CLDN23: variants seen among roughly 807,000 people sequenced by gnomAD.
CLDN23 encodes the protein claudin 23, also known as claudin-23.
In CLDN23, 3 loss-of-function variants were observed where a neutral mutation model predicts 1.4. The ratio of observed to expected loss-of-function variants is 2.10; its 90% CI spans 0.96 to 5.43. CLDN23 has a LOEUF of 5.43. Among genes scored for constraint, CLDN23 ranks in the 30% most tolerant of loss-of-function variants. The probability of loss-of-function intolerance (pLI) is 0.02; values close to 1 mark genes in which losing one functional copy is unlikely to be tolerated. For missense variants in CLDN23, 597 were observed against 433.5 expected, an observed-to-expected ratio of 1.38 and a Z score of -3.35; for synonymous variants, 291 against 209.9, an observed-to-expected ratio of 1.39 and a Z score of -3.34.
Position 8,702,632 on chromosome 8 carries a change from G to T in CLDN23, c.234G>T (p.Leu78=). ...QWGYFEAQPV[L]VARALMVTSL... Reference sequence around the variant, plus strand: ...GCTACTTCGAGGCCCAGCCCGTGCTGGTGGCGCGGGCACTCATGGTCACCT... The same window carrying T: ...GCTACTTCGAGGCCCAGCCCGTGCTTGTGGCGCGGGCACTCATGGTCACCT... The change falls in exon 1 of 1, where the codon CTG becomes CTT. Residue 78 remains leucine (L), a synonymous_variant. Coordinates refer to ENST00000519106, the MANE Select transcript of CLDN23 (RefSeq NM_194284.3). 1 of 1,603,822 alleles carries T rather than the reference G, an allele frequency of 6.2e-7. No individual in the cohort carries two copies. The highest frequency in any genetic ancestry group is 2.2e-5 in the East Asian group (1 of 44,638).
rs1802831023 is a variant in CLDN23 at position 8,703,848 on chromosome 8, T to TGGGG, written c.*571_*572insGGGG. The TGGGG allele has an allele frequency of 6.0e-6, 1 of 166,504 alleles. No homozygotes were observed. Among genetic ancestry groups the TGGGG allele is most frequent in the Non-Finnish European group, 1.5e-5 (1 of 68,040 alleles). The allele number at this position is 166,504 out of a possible 1,614,324, so 10.3% of individuals were successfully genotyped here. ...GTGATTAACTCATAGCTACATATCA[T>TGGGG]TGCATAAATGGGATTTATCTTTTTT... On this transcript the variant is annotated 3_prime_UTR_variant, in exon 1 of 1. Coordinates refer to ENST00000519106, the MANE Select transcript of CLDN23 (RefSeq NM_194284.3).
rs1802812072 is a variant in CLDN23 at position 8,703,324 on chromosome 8, C to T, written c.*47C>T. ...CGCCGGGTGGCAAAGGACTCACCCC[C>T]GCACAGGCCCGCCTGGCTTCGAGTT... On this transcript the variant is annotated 3_prime_UTR_variant, in exon 1 of 1. Coordinates refer to ENST00000519106, the MANE Select transcript of CLDN23 (RefSeq NM_194284.3). 1.9e-5 allele frequency: 25 copies of T among 1,325,314 alleles called. No individual in the cohort carries two copies. Among genetic ancestry groups the T allele is most frequent in the Admixed American group, 3.8e-5 (1 of 26,244 alleles). 82.1% of individuals were successfully genotyped at this position (1,325,314 alleles called of 1,614,324 possible).
chr8:8,702,835 C>T lies in CLDN23; in HGVS notation c.437C>T (p.Pro146Leu). 1 of 1,607,700 alleles carries T rather than the reference C, an allele frequency of 6.2e-7. No homozygotes were observed. The change falls in exon 1 of 1, where the codon CCC becomes CTC. Residue 146 changes from proline (P) to leucine (L), a missense_variant. By Grantham distance (98) the Pro-to-Leu change is moderately conservative (BLOSUM62 -3). Coordinates refer to ENST00000519106, the MANE Select transcript of CLDN23 (RefSeq NM_194284.3). Reference sequence around the variant, plus strand: ...TTCTTGGGGGACCGCGACGTGCTGCCCGCCCCGGCCAGCCCGGTCACGGTG... The same window carrying T: ...TTCTTGGGGGACCGCGACGTGCTGCTCGCCCCGGCCAGCCCGGTCACGGTG... ...NHFLGDRDVLPAPASPVTVQV... is the reference protein window; with the variant it reads ...NHFLGDRDVLLAPASPVTVQV...
In CLDN23 at chr8:8,702,688, T is replaced by C; in HGVS notation, c.290T>C (p.Leu97Pro). 6.2e-7 allele frequency: 1 copy of C among 1,606,410 alleles called. No individual in the cohort carries two copies. Among genetic ancestry groups the C allele is most frequent in the Admixed American group, 1.7e-5 (1 of 59,820 alleles). Residue 97 changes from leucine (L) to proline (P), a missense_variant, in exon 1 of 1, where the codon CTG becomes CCG. Physicochemically the swap from Leu to Pro is moderately conservative, Grantham distance 98 (BLOSUM62 -3). Coordinates refer to ENST00000519106, the MANE Select transcript of CLDN23 (RefSeq NM_194284.3). ...SLAATVLGLL[L>P]ASLGVRCWQD... ...GCCGCCACGGTCCTGGGGCTTCTGC[T>C]GGCGTCGCTGGGCGTGCGCTGCTGG... is the stretch of plus-strand genomic sequence containing the variant.
chr8:8,702,751 G>A lies in CLDN23; in HGVS notation c.353G>A (p.Gly118Asp), dbSNP rs760913449. The change falls in exon 1 of 1, where the codon GGC becomes GAC. Residue 118 changes from glycine (G) to aspartate (D), a missense_variant. By Grantham distance (94) the Gly-to-Asp change is moderately conservative (BLOSUM62 -1). Coordinates refer to ENST00000519106, the MANE Select transcript of CLDN23 (RefSeq NM_194284.3). ...AACTTCGTGCTGGCAGGGCTCTCGG[G>A]CGTCGTGCTCTTCGTCGCTGGCCTC... ...EPNFVLAGLS[G>D]VVLFVAGLLG... 3 of 1,609,762 alleles carry A rather than the reference G, an allele frequency of 1.9e-6. No homozygotes were observed. Among genetic ancestry groups the A allele is most frequent in the Admixed American group, 3.3e-5 (2 of 59,940 alleles).
rs565221135 is a variant in CLDN23, at chr8:8,703,419, T to A, written c.*142T>A. On this transcript the variant is annotated 3_prime_UTR_variant, in exon 1 of 1. Transcript: ENST00000519106. ...CTTTCGTGGGACCAAACAGGACTCC[T>A]TGGACGATTAGTTCAGGTTGGGTTT... The A allele has an allele frequency of 1.3e-6, 1 of 785,716 alleles. No homozygotes were observed. The highest frequency in any genetic ancestry group is 5.9e-5 in the South Asian group (1 of 16,908). The allele number at this position is 785,716 out of a possible 1,614,324, so 48.7% of individuals were successfully genotyped here.
chr8:8,702,169 G>A lies in CLDN23; in HGVS notation c.-230G>A, dbSNP rs915821927. On this transcript the variant is annotated 5_prime_UTR_variant, in exon 1 of 1. Coordinates refer to ENST00000519106, the MANE Select transcript of CLDN23 (RefSeq NM_194284.3). ...ATTAGGGCCAGTAGGAGGGCGGAGC[G>A]GCCGGGACGCCAGGAGGGAACTAGC... The A allele has an allele frequency of 3.5e-5, 14 of 402,746 alleles. No individual in the cohort carries two copies. Among genetic ancestry groups the A allele is most frequent in the Non-Finnish European group, 5.2e-5 (12 of 230,680 alleles). 24.9% of individuals were successfully genotyped at this position (402,746 alleles called of 1,614,324 possible).
rs376773071 is a variant in CLDN23 at position 8,702,757 on chromosome 8, T to C, written c.359T>C (p.Val120Ala). 6.2e-7 allele frequency: 1 copy of C among 1,610,242 alleles called. No homozygotes were observed. Among genetic ancestry groups the C allele is most frequent in the East Asian group, 2.2e-5 (1 of 44,864 alleles). The change falls in exon 1 of 1, where the codon GTG becomes GCG. Residue 120 changes from valine to alanine, a missense_variant. Val to Ala is a moderately conservative substitution (Grantham distance 64). Coordinates refer to ENST00000519106, the MANE Select transcript of CLDN23 (RefSeq NM_194284.3). ...NFVLAGLSGV[V>A]LFVAGLLGLI... ...GTGCTGGCAGGGCTCTCGGGCGTCG[T>C]GCTCTTCGTCGCTGGCCTCCTCGGC...
At position 8,704,033 on chromosome 8, in the gene CLDN23, T is replaced by C. The variant is rs1802838056; in HGVS notation, c.*756T>C. 1 of 166,962 alleles carries C rather than the reference T, an allele frequency of 6.0e-6. No homozygotes were observed. Among genetic ancestry groups the C allele is most frequent in the Admixed American group, 6.5e-5 (1 of 15,288 alleles). 10.3% of individuals were successfully genotyped at this position (166,962 alleles called of 1,614,324 possible). A position where few individuals can be genotyped will look rare whatever the true frequency, so the allele number is the denominator to read the frequency against. Reference sequence around the variant, plus strand: ...TTAACATTTTGTACAAAATGGAACCTGTTAATCATATTAAAGCACATATGT... The same window carrying C: ...TTAACATTTTGTACAAAATGGAACCCGTTAATCATATTAAAGCACATATGT... On this transcript the variant is annotated 3_prime_UTR_variant, in exon 1 of 1. Transcript: ENST00000519106.
rs990569611 is a variant in CLDN23 at position 8,704,031 on chromosome 8, C to A, written c.*754C>A. On this transcript the variant is annotated 3_prime_UTR_variant, in exon 1 of 1. Coordinates refer to ENST00000519106, the MANE Select transcript of CLDN23 (RefSeq NM_194284.3). ...GTTTAACATTTTGTACAAAATGGAA[C>A]CTGTTAATCATATTAAAGCACATAT... The A allele has an allele frequency of 6.0e-6, 1 of 166,842 alleles. No homozygotes were observed. The highest frequency in any genetic ancestry group is 1.5e-5 in the Non-Finnish European group (1 of 68,110). 10.3% of individuals were successfully genotyped at this position (166,842 alleles called of 1,614,324 possible).
chr8:8,703,232 C>T lies in CLDN23; in HGVS notation c.834C>T (p.Ser278=), dbSNP rs1407659628. The T allele has an allele frequency of 7.0e-7, 1 of 1,438,330 alleles. No individual in the cohort carries two copies. Among genetic ancestry groups the T allele is most frequent in the Non-Finnish European group, 9.1e-7 (1 of 1,094,208 alleles). The allele number at this position is 1,438,330 out of a possible 1,614,324, so 89.1% of individuals were successfully genotyped here. A position where few individuals can be genotyped will look rare whatever the true frequency, so the allele number is the denominator to read the frequency against. Residue 278 remains serine (S), a synonymous_variant, in exon 1 of 1, where the codon AGC becomes AGT. Transcript: ENST00000519106. ...AGTCCCAGGACGCTCCCTCGTGCAG[C>T]ACCCACCCCTGCGACAGCTCGCTGC... ...GWESQDAPSC[S]THPCDSSLPC... is the part of the protein sequence containing the mutation.
At position 8,702,764 on chromosome 8, in the gene CLDN23, C is replaced by T. The variant is rs777260748; in HGVS notation, c.366C>T (p.Phe122=). The change falls in exon 1 of 1, where the codon TTC becomes TTT. Residue 122 remains phenylalanine (F), a synonymous_variant. Coordinates refer to ENST00000519106, the MANE Select transcript of CLDN23 (RefSeq NM_194284.3). ...CAGGGCTCTCGGGCGTCGTGCTCTT[C>T]GTCGCTGGCCTCCTCGGCCTCATCC... ...VLAGLSGVVL[F]VAGLLGLIPV... 3 of 1,610,432 alleles carry T rather than the reference C, an allele frequency of 1.9e-6. No homozygotes were observed. The highest frequency in any genetic ancestry group is 2.5e-6 in the Non-Finnish European group (3 of 1,179,590).
In CLDN23 at chr8:8,702,772, GCCT is replaced by G; in HGVS notation, c.379_381del (p.Leu127del). 3.1e-6 allele frequency: 5 copies of G among 1,610,608 alleles called. 1 individual carries two copies. The South Asian group carries it at 3.3e-5, about 11-fold the overall frequency. ...TCGGGCGTCGTGCTCTTCGTCGCTG[GCCT>G]CCTCGGCCTCATCCCGGTGTCCTGG... is the stretch of plus-strand genomic sequence containing the variant. On this transcript the variant is annotated inframe_deletion, in exon 1 of 1. Coordinates refer to ENST00000519106, the MANE Select transcript of CLDN23 (RefSeq NM_194284.3).
Position 8,703,288 on chromosome 8 carries a change from A to G in CLDN23, c.*11A>G, listed in dbSNP as rs772093730. ...GACTCCGACCTCTAGACGCTTGTAG[A>G]GCCTGGGGGGCGCCGGGTGGCAAAG... is the stretch of plus-strand genomic sequence containing the variant. On this transcript the variant is annotated 3_prime_UTR_variant, in exon 1 of 1. Coordinates refer to ENST00000519106, the MANE Select transcript of CLDN23 (RefSeq NM_194284.3). 9.5e-6 allele frequency: 13 copies of G among 1,369,360 alleles called. No homozygotes were observed. Among genetic ancestry groups the G allele is most frequent in the African/African-American group, 1.5e-5 (1 of 65,492 alleles). 84.8% of individuals were successfully genotyped at this position (1,369,360 alleles called of 1,614,324 possible).
rs755340507 is a variant in CLDN23 at position 8,702,963 on chromosome 8, T to TGTC, written c.567_569dup (p.Arg193dup). On this transcript the variant is annotated inframe_insertion, in exon 1 of 1. Transcript: ENST00000519106. ...CTTCGCGCCCTGGTGCGACGAGCGTTGTCGCCGCCGCCGCAAGGGACCCTC... is the reference window on the plus strand; with the variant it reads ...CTTCGCGCCCTGGTGCGACGAGCGTTGTCGTCGCCGCCGCCGCAAGGGACCCTC... 23 of 1,563,130 alleles carry TGTC rather than the reference T, an allele frequency of 1.5e-5. No homozygotes were observed. The highest frequency in any genetic ancestry group is 1.9e-5 in the Non-Finnish European group (22 of 1,159,916).
rs751217418 is a variant in CLDN23, at chr8:8,702,765, G to C, written c.367G>C (p.Val123Leu). 3 of 1,610,410 alleles carry C rather than the reference G, an allele frequency of 1.9e-6. No individual in the cohort carries two copies. Among genetic ancestry groups the C allele is most frequent in the East Asian group, 4.5e-5 (2 of 44,848 alleles). ...LAGLSGVVLF[V>L]AGLLGLIPVS... ...AGGGCTCTCGGGCGTCGTGCTCTTC[G>C]TCGCTGGCCTCCTCGGCCTCATCCC... The change falls in exon 1 of 1, where the codon GTC becomes CTC. Residue 123 changes from valine to leucine, a missense_variant. By Grantham distance (32) the Val-to-Leu change is conservative. Transcript: ENST00000519106.
chr8:8,702,839 C>T lies in CLDN23; in HGVS notation c.441C>T (p.Ala147=). ...HFLGDRDVLP[A]PASPVTVQVS... is the part of the protein sequence containing the mutation. ...TGGGGGACCGCGACGTGCTGCCCGCCCCGGCCAGCCCGGTCACGGTGCAGG... is the reference window on the plus strand; with the variant it reads ...TGGGGGACCGCGACGTGCTGCCCGCTCCGGCCAGCCCGGTCACGGTGCAGG... The change falls in exon 1 of 1, where the codon GCC becomes GCT. Residue 147 remains alanine (A), a synonymous_variant. Coordinates refer to ENST00000519106, the MANE Select transcript of CLDN23 (RefSeq NM_194284.3). 1 of 1,606,620 alleles carries T rather than the reference C, an allele frequency of 6.2e-7. No homozygotes were observed. Among genetic ancestry groups the T allele is most frequent in the Non-Finnish European group, 8.5e-7 (1 of 1,178,008 alleles).
In CLDN23 at chr8:8,702,547, G is replaced by A. The variant is rs776824153; in HGVS notation, c.149G>A (p.Trp50Ter). 3.7e-6 allele frequency: 6 copies of A among 1,611,824 alleles called. No individual in the cohort carries two copies. Among genetic ancestry groups the A allele is most frequent in the East Asian group, 4.5e-5 (2 of 44,820 alleles). ...PVDVELYQGLWDMCREQSSRE... is the reference protein window; with the variant it reads ...PVDVELYQGL ...GACGTGGAGTTGTACCAGGGCCTGT[G>A]GGACATGTGTCGCGAGCAGAGCAGC... Residue 50 changes from tryptophan (W) to a stop codon, truncating the protein, a stop_gained, in exon 1 of 1, where the codon TGG becomes TAG. Coordinates refer to ENST00000519106, the MANE Select transcript of CLDN23 (RefSeq NM_194284.3). LOFTEE classifies it low-confidence loss of function (END_TRUNC).
Position 8,702,345 on chromosome 8 carries a change from G to T in CLDN23, c.-54G>T. On this transcript the variant is annotated 5_prime_UTR_variant, in exon 1 of 1. Transcript: ENST00000519106. ...GGGAGAAGACGACGGCGGAGAAGGC[G>T]ACAGCGGAGAAGGAAGGCAGGCTGC... 1 of 1,464,338 alleles carries T rather than the reference G, an allele frequency of 6.8e-7. No homozygotes were observed. Among genetic ancestry groups the T allele is most frequent in the Non-Finnish European group, 9.0e-7 (1 of 1,114,148 alleles). 90.7% of individuals were successfully genotyped at this position (1,464,338 alleles called of 1,614,324 possible). A position where few individuals can be genotyped will look rare whatever the true frequency, so the allele number is the denominator to read the frequency against.
Sources: allele counts gnomAD v4.1 joint callset, GRCh38; gene constraint gnomAD v4.1.1; transcripts MANE v1.5; gene names NCBI Gene and HGNC (gene_info 2026-07-23, HGNC 2026-07-21).